Variants in FSTL4 observed in about 807,000 individuals in gnomAD.
The protein encoded by FSTL4 is follistatin like 4, also known as follistatin-related protein 4.
FSTL4 carries 28 observed loss-of-function variants against 78.2 expected under a neutral mutation model. That is an observed-to-expected ratio of 0.36 (90% CI 0.27 to 0.49). The LOEUF (loss-of-function observed/expected upper bound fraction) is 0.49, where lower values mean the gene tolerates loss of function less well. FSTL4 is among the 20% of genes least tolerant of loss of function. The pLI is 0.98. For missense variants in FSTL4, 922 were observed against 1,084.9 expected, an observed-to-expected ratio of 0.85 and a Z score of 2.11; for synonymous variants, 422 against 440.5, an observed-to-expected ratio of 0.96 and a Z score of 0.53.
chr5:133,558,243 A>T (rs753874617), intron 3 of FSTL4, among the ~76,000 whole-genome samples: 1 of 152,204 alleles, frequency 6.6e-6, no homozygotes, highest in Non-Finnish European at 1.5e-5. Flanking sequence ...AATCGTATTC[A>T]CCTTTCCAGA....
the FSTL4 span, among the ~76,000 whole-genome samples, chr5:133,773,561 G>A: frequency 6.5e-4 from 99 of 152,260 alleles, 2 homozygotes; most frequent in East Asian, 3.7e-3. Context: ...CTACAACAAC[G>A]TGATAGACCT....
At chr5:133,245,801 A>T (rs1453807115) in intron 7 of FSTL4, among the ~76,000 whole-genome samples, 4 of 152,228 alleles carry the variant, frequency 2.6e-5, no homozygotes, top group Non-Finnish European at 5.9e-5. Flanking sequence ...GCTCCTTCTT[A>T]CTTGGCTCCA....
intron 4 of FSTL4, among the ~76,000 whole-genome samples, chr5:133,357,856 C>T (rs994763452): frequency 1.3e-5 from 2 of 152,190 alleles, no homozygotes; most frequent in African/African-American, 4.8e-5. Context: ...ACACCTGGGG[C>T]CTTCCAGAGG....
rs151036135 is a variant in FSTL4 at position 133,524,445 on chromosome 5, C to T, written c.160+42741G>A. Among the ~76,000 whole-genome samples, 781 of 152,254 alleles carry T rather than the reference C, an allele frequency of 5.1e-3. 4 individuals carry two copies. Among genetic ancestry groups the T allele is most frequent in the African/African-American group, 0.018 (733 of 41,536 alleles). ...GGCAATGCAAGAAGAAAGGCGAGAG[C>T]GGTGTCAACTCTGAGGAGTTTGTAG... On this transcript the variant is annotated intron_variant, in intron 3 of 15. Transcript: ENST00000265342.
intron 11 of FSTL4, among the ~76,000 whole-genome samples, chr5:133,223,674 T>C (rs1392735538): frequency 6.6e-6 from 1 of 152,250 alleles, no homozygotes; most frequent in Non-Finnish European, 1.5e-5. Context: ...CAACTTCATA[T>C]GGCTCAACTT....
In FSTL4 at chr5:133,307,277, C is replaced by A. The variant is rs181388483; in HGVS notation, c.727+5377G>T. Reference sequence around the variant, plus strand: ...TGGAGGAAAGAGAAATTGAGAAAGACCTCCTGGAGGAGAAGACCATTGAGT... The same window carrying A: ...TGGAGGAAAGAGAAATTGAGAAAGAACTCCTGGAGGAGAAGACCATTGAGT... On this transcript the variant is annotated intron_variant, in intron 6 of 15. Transcript: ENST00000265342. 3.2e-4 allele frequency among the ~76,000 whole-genome samples: 49 copies of A among 152,306 alleles called. 1 individual carries two copies. The East Asian group carries it at 8.3e-3, about 26-fold the overall frequency.
At chr5:133,618,976 G>A in the FSTL4 span, among the ~76,000 whole-genome samples, 2 of 152,208 alleles carry the variant, frequency 1.3e-5, no homozygotes, top group African/African-American at 4.8e-5. Flanking sequence ...GGTAGACATT[G>A]TTGATTGGAT....
At chr5:133,552,963 C>T (rs1424977659) in intron 3 of FSTL4, among the ~76,000 whole-genome samples, 1 of 152,184 alleles carries the variant, frequency 6.6e-6, no homozygotes, top group Non-Finnish European at 1.5e-5. Flanking sequence ...AGAAGAGCCA[C>T]AGAATTCTCA....
At chr5:133,513,697 T>C (rs1459842348) in intron 3 of FSTL4, among the ~76,000 whole-genome samples, 2 of 152,152 alleles carry the variant, frequency 1.3e-5, no homozygotes, top group Non-Finnish European at 2.9e-5. Flanking sequence ...TCACTTCTTT[T>C]TCAGTGGTAA....
At chr5:133,673,500 C>T in the FSTL4 span, among the ~76,000 whole-genome samples, 3 of 152,190 alleles carry the variant, frequency 2.0e-5, no homozygotes, top group Non-Finnish European at 4.4e-5. Context: ...TCACTCAAAC[C>T]GCTTCAACTC....
intron 3 of FSTL4, among the ~76,000 whole-genome samples, chr5:133,527,096 C>T (rs1759145672): frequency 6.6e-6 from 1 of 152,190 alleles, no homozygotes; most frequent in Non-Finnish European, 1.5e-5. Context: ...ACTGCTAATG[C>T]ACTCATTCTC....
intron 13 of FSTL4, among the ~76,000 whole-genome samples, chr5:133,215,337 A>T (rs531513885): frequency 6.6e-6 from 1 of 152,254 alleles, no homozygotes; most frequent in East Asian, 1.9e-4. Context: ...AATTTCATCC[A>T]GTTTCCTGGA....
At chr5:133,596,859 G>A (rs1233474443) in intron 2 of FSTL4, among the ~76,000 whole-genome samples, 1 of 152,204 alleles carries the variant, frequency 6.6e-6, no homozygotes, top group Non-Finnish European at 1.5e-5. Flanking sequence ...ACACACTCCT[G>A]GCAGGAGTAA....
At chr5:133,804,119 C>G in the FSTL4 span, among the ~76,000 whole-genome samples, 1 of 152,170 alleles carries the variant, frequency 6.6e-6, no homozygotes, top group African/African-American at 2.4e-5. Context: ...TTGGATAAGC[C>G]TCTAAATCCC....
At chr5:133,292,618 G>T (rs932125151) in intron 6 of FSTL4, among the ~76,000 whole-genome samples, 1 of 151,838 alleles carries the variant, frequency 6.6e-6, no homozygotes, top group Non-Finnish European at 1.5e-5. Flanking sequence ...TGCTTCCTGA[G>T]ATGAGATGAT....
At chr5:133,308,588 G>C (rs949894431) in intron 6 of FSTL4, among the ~76,000 whole-genome samples, 1 of 152,178 alleles carries the variant, frequency 6.6e-6, no homozygotes, top group African/African-American at 2.4e-5. Context: ...ATGGGGCCAG[G>C]CACTATTAGT....
At chr5:133,421,761 G>GCTCA (rs1580698049) in intron 3 of FSTL4, among the ~76,000 whole-genome samples, 3 of 151,404 alleles carry the variant, frequency 2.0e-5, no homozygotes, top group Admixed American at 6.6e-5. Context: ...TGGGCATCAT[G>GCTCA]CTCACTCATT....
At chr5:133,395,370 C>T (rs567950375) in intron 4 of FSTL4, among the ~76,000 whole-genome samples, 20 of 152,244 alleles carry the variant, frequency 1.3e-4, no homozygotes, top group Non-Finnish European at 2.1e-4. Context: ...CGCGAAGGTC[C>T]GCAGCTTCAC....
At chr5:133,472,881 G>T (rs1757852395) in intron 3 of FSTL4, among the ~76,000 whole-genome samples, 1 of 152,216 alleles carries the variant, frequency 6.6e-6, no homozygotes, top group African/African-American at 2.4e-5. Flanking sequence ...GTGTAGCAGG[G>T]GTTGGAGGGC....
Sources: gnomAD v4.1 joint callset for allele counts (sites outside exome capture counted in the v4.1 genomes callset) on GRCh38, gnomAD v4.1.1 for gene constraint, MANE v1.5 for transcripts, NCBI Gene and HGNC (gene_info 2026-07-23, HGNC 2026-07-21) for gene names.